The following GPHN variants were observed in gnomAD, a reference collection of about 807,000 sequenced individuals.
GPHN encodes gephyrin.
GPHN carries 17 observed loss-of-function variants against 95.5 expected under a neutral mutation model. The ratio of observed to expected loss-of-function variants is 0.18; its 90% confidence interval spans 0.12 to 0.27. GPHN has a LOEUF of 0.27. Among genes scored for constraint, GPHN ranks in the 10% least tolerant of loss-of-function variants. GPHN has a pLI of 1.00. For missense variants in GPHN, 660 were observed against 978.1 expected (o/e 0.67, Z 4.34); for synonymous variants, 320 against 322.5 (o/e 0.99, Z 0.08).
the GPHN span, among the ~76,000 whole-genome samples, chr14:67,561,685 T>C: frequency 1.3e-5 from 2 of 151,726 alleles, no homozygotes; most frequent in Non-Finnish European, 2.9e-5. Flanking sequence ...CTGGGCAACA[T>C]AGCGAGAGCT....
chr14:66,553,007 T>TTTTTTTTTTTTTTTTTTTG lies in GPHN; in HGVS notation c.64+44416_64+44417insTTTTTTTTTTTTTTTTTTG, dbSNP rs1566591596. On this transcript the variant is annotated intron_variant, in intron 1 of 22. Transcript: ENST00000478722. ...TCTTTTCTTTTCTTTTTTCTTTTTT[T>TTTTTTTTTTTTTTTTTTTG]AGACAAGAGTTTCGTTGTTGTTTCC... Among the ~76,000 whole-genome samples, 19 of 151,974 alleles carry TTTTTTTTTTTTTTTTTTTG rather than the reference T, an allele frequency of 1.3e-4. 1 individual carries two copies. The highest frequency in any genetic ancestry group is 4.1e-4 in the African/African-American group (17 of 41,390).
chr14:67,488,332 G>A, the GPHN span, among the ~76,000 whole-genome samples: 2 of 152,388 alleles, frequency 1.3e-5, no homozygotes, highest in South Asian at 2.1e-4. Context: ...AAGGGCAGGA[G>A]TGGGGGAACT....
At chr14:67,569,326 C>G in the GPHN span, 2 of 709,612 alleles carry the variant, frequency 2.8e-6, no homozygotes, top group African/African-American at 3.5e-5. Flanking sequence ...GGCTGGCCTA[C>G]CCTGTTCCCC....
At chr14:67,204,726 A>C in the GPHN span, 3 of 1,613,924 alleles carry the variant, frequency 1.9e-6, no homozygotes, top group South Asian at 1.1e-5. Context: ...AAGTTTCCAA[A>C]GTGTCGGAGG....
the GPHN span, chr14:67,441,726 C>T: frequency 6.7e-6 from 1 of 148,402 alleles, no homozygotes; most frequent in Non-Finnish European, 1.5e-5. Context: ...TGAATAGAAC[C>T]GAAAAAGTGG....
chr14:67,071,534 A>G (rs1444785416), intron 11 of GPHN, among the ~76,000 whole-genome samples: 2 of 152,092 alleles, frequency 1.3e-5, no homozygotes, highest in Non-Finnish European at 2.9e-5. Context: ...CCTAATGTAA[A>G]TGACGAGTTA....
the GPHN span, among the ~76,000 whole-genome samples, chr14:67,275,076 T>C: frequency 6.6e-6 from 1 of 152,238 alleles, no homozygotes; most frequent in Non-Finnish European, 1.5e-5. Flanking sequence ...CAGGGACAAT[T>C]TGACTTCCTC....
At chr14:66,643,915 C>A (rs1595378635) in intron 1 of GPHN, among the ~76,000 whole-genome samples, 1 of 151,704 alleles carries the variant, frequency 6.6e-6, no homozygotes, top group Admixed American at 6.6e-5. Context: ...ATTATGTTCA[C>A]GTTTATTTGA....
At chr14:67,166,768 C>T (rs1567436994) in intron 20 of GPHN, among the ~76,000 whole-genome samples, 3 of 152,202 alleles carry the variant, frequency 2.0e-5, no homozygotes, top group African/African-American at 4.8e-5. Context: ...CTCCTAGGCT[C>T]AAGCCGTTCT....
intron 2 of GPHN, among the ~76,000 whole-genome samples, chr14:66,745,227 C>G (rs571570607): frequency 6.6e-6 from 1 of 152,172 alleles, no homozygotes; most frequent in African/African-American, 2.4e-5. Context: ...TAATGAACAG[C>G]TGCACTCTGC....
At chr14:66,828,531 T>C (rs895701103) in intron 4 of GPHN, among the ~76,000 whole-genome samples, 1 of 152,146 alleles carries the variant, frequency 6.6e-6, no homozygotes, top group Non-Finnish European at 1.5e-5. Flanking sequence ...AAATACTAAT[T>C]TGATAAAAGT....
intron 1 of GPHN, among the ~76,000 whole-genome samples, chr14:66,565,244 A>G (rs1325641538): frequency 2.6e-5 from 4 of 151,920 alleles, no homozygotes; most frequent in South Asian, 2.1e-4. Flanking sequence ...ACTGACTACT[A>G]TTCTCTTTTA....
At chr14:67,140,400 A>T (rs2080382052) in intron 17 of GPHN, among the ~76,000 whole-genome samples, 2 of 145,916 alleles carry the variant, frequency 1.4e-5, no homozygotes, top group East Asian at 4.1e-4. Flanking sequence ...AAAAAAAAAA[A>T]GTACGATAAA....
intron 8 of GPHN, among the ~76,000 whole-genome samples, chr14:66,958,513 A>C (rs1041635484): frequency 2.6e-5 from 4 of 152,178 alleles, no homozygotes; most frequent in Admixed American, 2.0e-4. Context: ...ACAAACCTAG[A>C]TGGTATAACC....
the GPHN span, chr14:67,364,589 G>A: frequency 1.7e-6 from 1 of 583,770 alleles, no homozygotes; most frequent in Non-Finnish European, 2.8e-6. Context: ...TTAAAGCTTG[G>A]TTCCTGAACA....
At chr14:66,806,239 TC>T (rs1201951691) in intron 3 of GPHN, among the ~76,000 whole-genome samples, 1 of 152,120 alleles carries the variant, frequency 6.6e-6, no homozygotes, top group Non-Finnish European at 1.5e-5. Flanking sequence ...GGGCACCAAG[TC>T]CCTAGACTGC....
the GPHN span, among the ~76,000 whole-genome samples, chr14:67,724,290 G>A: frequency 6.6e-6 from 1 of 152,112 alleles, no homozygotes; most frequent in Admixed American, 6.5e-5. Flanking sequence ...CCGATAAACA[G>A]GCGACTACCT....
intron 1 of GPHN, among the ~76,000 whole-genome samples, chr14:66,509,806 G>GA (rs2057967044): frequency 6.6e-6 from 1 of 152,036 alleles, no homozygotes; most frequent in Admixed American, 6.6e-5. Context: ...CGGTGCTCGA[G>GA]AAGGGACTAA....
chr14:67,194,831 T>C, the GPHN span, among the ~76,000 whole-genome samples: 1 of 152,156 alleles, frequency 6.6e-6, no homozygotes, highest in Non-Finnish European at 1.5e-5. Flanking sequence ...CTAATTTTTA[T>C]ATTTTCAGTA....
Sources: allele counts gnomAD v4.1 joint callset (sites outside exome capture counted in the v4.1 genomes callset), GRCh38; gene constraint gnomAD v4.1.1; transcripts MANE v1.5; gene names NCBI Gene and HGNC (gene_info 2026-07-23, HGNC 2026-07-21).